The following RANBP10 variants were observed in gnomAD, a reference collection of about 807,000 sequenced individuals.
The protein encoded by RANBP10 is RAN binding protein 10, also known as ran-binding protein 10.
A neutral mutation model predicts 72.8 loss-of-function variants in RANBP10; 24 were observed. The observed-to-expected ratio is 0.33, with a 90% CI of 0.24 to 0.46. The LOEUF (loss-of-function observed/expected upper bound fraction) is 0.46, where lower values mean the gene tolerates loss of function less well. Among genes scored for constraint, RANBP10 ranks in the 20% least tolerant of loss-of-function variants. The pLI is 1.00. For missense variants in RANBP10, 679 were observed against 817.5 expected (o/e 0.83, Z 2.07); for synonymous variants, 310 against 322.3 (o/e 0.96, Z 0.41).
At chr16:67,790,299 G>A (rs1308806119) in intron 2 of RANBP10, among the ~76,000 whole-genome samples, 3 of 151,682 alleles carry the variant, frequency 2.0e-5, no homozygotes, top group Non-Finnish European at 4.4e-5. Flanking sequence ...CTAGGAGGAA[G>A]GAGAAATGGA....
rs931142926 is a variant in RANBP10 at position 67,730,410 on chromosome 16, G to A, written c.890-364C>T. Among the ~76,000 whole-genome samples, 26 of 152,128 alleles carry A rather than the reference G, an allele frequency of 1.7e-4. No homozygotes were observed. Among genetic ancestry groups the A allele is most frequent in the African/African-American group, 4.8e-4 (20 of 41,446 alleles). On this transcript the variant is annotated intron_variant, in intron 7 of 13. Coordinates refer to ENST00000317506, the MANE Select transcript of RANBP10 (RefSeq NM_020850.3). The surrounding 1 kb of genome is among the most constrained non-coding windows in gnomAD (Gnocchi z 4.3). ...GGGATGGGCACCCAGGCAGCTTGGCGGCCTGAGTGGCTCCTCTTCAGACAG... is the reference window on the plus strand; with the variant it reads ...GGGATGGGCACCCAGGCAGCTTGGCAGCCTGAGTGGCTCCTCTTCAGACAG...
At chr16:67,797,572 G>C (rs967158934) in intron 2 of RANBP10, among the ~76,000 whole-genome samples, 4 of 152,246 alleles carry the variant, frequency 2.6e-5, no homozygotes, top group African/African-American at 7.2e-5. Flanking sequence ...CACTTTGGGA[G>C]GCTGAGGTGG....
At chr16:67,764,753 A>C (rs1460833472) in intron 3 of RANBP10, among the ~76,000 whole-genome samples, 1 of 152,222 alleles carries the variant, frequency 6.6e-6, no homozygotes, top group Non-Finnish European at 1.5e-5. Flanking sequence ...TCGGAAGACT[A>C]AATTTTCAGT....
intron 3 of RANBP10, among the ~76,000 whole-genome samples, chr16:67,766,315 A>G (rs1409601074): frequency 1.3e-5 from 2 of 152,202 alleles, no homozygotes; most frequent in Non-Finnish European, 2.9e-5. Flanking sequence ...GGAAAGCACC[A>G]AAAGGGATTC....
chr16:67,772,065 C>G lies in RANBP10; in HGVS notation c.369G>C (p.Ser123=). ...GTCTGTTCATGTTGACGCCTTGAGC[C>G]GAGAGTCCTATTCCCATGTAACTTC... The part of the protein sequence containing the change: ...GRDGYMGIGL[S]AQGVNMNRLP... The change falls in exon 3 of 14, where the codon TCG becomes TCC. Residue 123 remains serine, a synonymous_variant. Transcript: ENST00000317506. The G allele has an allele frequency of 6.3e-7, 1 of 1,599,092 alleles. No individual in the cohort carries two copies. The highest frequency in any genetic ancestry group is 8.5e-7 in the Non-Finnish European group (1 of 1,175,714).
Position 67,727,418 on chromosome 16 carries a change from T to C in RANBP10, c.1641A>G (p.Ala547=), listed in dbSNP as rs770689124. The change falls in exon 13 of 14, where the codon GCA becomes GCG. Residue 547 remains alanine (A), a synonymous_variant. Transcript: ENST00000317506. Reference sequence around the variant, plus strand: ...CTGGGCAGCTCCAGGGGTCTGAGTATGCCAGCAGGCTGAAGGCATCCTACA... The same window carrying C: ...CTGGGCAGCTCCAGGGGTCTGAGTACGCCAGCAGGCTGAAGGCATCCTACA... The part of the protein sequence containing the change: ...EMLQDAFSLL[A]YSDPWSCPVG... 24 of 1,613,692 alleles carry C rather than the reference T, an allele frequency of 1.5e-5. No individual in the cohort carries two copies. The highest frequency in any genetic ancestry group is 1.9e-5 in the Non-Finnish European group (22 of 1,179,852).
chr16:67,802,560 C>A (rs538553848), intron 2 of RANBP10, among the ~76,000 whole-genome samples: 1 of 152,180 alleles, frequency 6.6e-6, no homozygotes, highest in Non-Finnish European at 1.5e-5. Flanking sequence ...ATCACTTGAA[C>A]CCAGAAAGTA....
intron 2 of RANBP10, among the ~76,000 whole-genome samples, chr16:67,773,703 G>T (rs1266627302): frequency 6.6e-6 from 1 of 152,288 alleles, no homozygotes; most frequent in Non-Finnish European, 1.5e-5. Flanking sequence ...TAGGGAAAAA[G>T]GTAGAGAAGG....
chr16:67,738,099 TGG>T, intron 4 of RANBP10, 64 bp from the exon 5 acceptor site: 1 of 1,490,644 alleles, frequency 6.7e-7, no homozygotes, highest in Non-Finnish European at 9.0e-7. Flanking sequence ...CTGCACCCCA[TGG>T]TGGAGCCAGT....
chr16:67,758,885 CT>C, intron 3 of RANBP10, among the ~76,000 whole-genome samples: 1 of 152,234 alleles, frequency 6.6e-6, no homozygotes, highest in Non-Finnish European at 1.5e-5. Flanking sequence ...GAAAAGGCTG[CT>C]GAGCAGCCCT....
intron 3 of RANBP10, among the ~76,000 whole-genome samples, chr16:67,769,668 C>T (rs1417677902): frequency 1.4e-4 from 20 of 143,330 alleles, no homozygotes; most frequent in Non-Finnish European, 2.7e-4. Context: ...ACGGCACCAA[C>T]CCAGGAGGCA....
intron 2 of RANBP10, among the ~76,000 whole-genome samples, chr16:67,782,325 C>G (rs1168635479): frequency 6.6e-6 from 1 of 151,974 alleles, no homozygotes; most frequent in Non-Finnish European, 1.5e-5. Context: ...TGGGGATTTG[C>G]CCTGTTGCCT....
intron 3 of RANBP10, among the ~76,000 whole-genome samples, chr16:67,744,699 C>G (rs572306223): frequency 3.9e-5 from 6 of 152,322 alleles, no homozygotes; most frequent in African/African-American, 1.4e-4. Flanking sequence ...GAACCAAAAC[C>G]ATCAGTGACC....
intron 4 of RANBP10, among the ~76,000 whole-genome samples, chr16:67,743,301 G>A (rs1480866935): frequency 6.6e-6 from 1 of 152,234 alleles, no homozygotes; most frequent in Non-Finnish European, 1.5e-5. Flanking sequence ...CAGCTGGGCT[G>A]GTAGAGTTCT....
intron 6 of RANBP10, among the ~76,000 whole-genome samples, 173 bp from the exon 7 acceptor site, chr16:67,731,757 G>C (rs1028597491): frequency 2.0e-5 from 3 of 152,174 alleles, no homozygotes; most frequent in Non-Finnish European, 4.4e-5. Context: ...CTTCCCCCAT[G>C]GTGCCCCACG....
chr16:67,771,906 C>A (rs2054613389), intron 3 of RANBP10, 128 bp downstream of exon 3: 2 of 1,074,264 alleles, frequency 1.9e-6, no homozygotes, highest in Admixed American at 4.9e-5. Flanking sequence ...GATCCTCCAA[C>A]CAGTAGCATG....
At chr16:67,776,562 C>T (rs2054709650) in intron 2 of RANBP10, among the ~76,000 whole-genome samples, 2 of 149,276 alleles carry the variant, frequency 1.3e-5, no homozygotes, top group Non-Finnish European at 3.0e-5. Context: ...CACCTGAGGT[C>T]AGGAGTTCAA....
Position 67,729,608 on chromosome 16 carries a change from AG to A in RANBP10, c.1147+71del. ...CAGCAGTGAGCCCTGAGCCCAGCCC[AG>A]GAAAGGGTATGTGGAGTGGCCTCTC... On this transcript the variant is annotated intron_variant, in intron 9 of 13. Coordinates refer to ENST00000317506, the MANE Select transcript of RANBP10 (RefSeq NM_020850.3). The surrounding 1 kb of genome is among the most constrained non-coding windows in gnomAD (Gnocchi z 7.1). The A allele has an allele frequency of 6.4e-7, 1 of 1,560,110 alleles. No homozygotes were observed. The highest frequency in any genetic ancestry group is 8.7e-7 in the Non-Finnish European group (1 of 1,153,742).
intron 2 of RANBP10, among the ~76,000 whole-genome samples, chr16:67,803,579 G>C (rs1358883325): frequency 6.6e-6 from 1 of 151,018 alleles, no homozygotes; most frequent in Non-Finnish European, 1.5e-5. Flanking sequence ...GAACCTGGGA[G>C]GCGGAGGTTG....
Sources: gnomAD v4.1 joint callset for allele counts (sites outside exome capture counted in the v4.1 genomes callset) on GRCh38, gnomAD v4.1.1 for gene constraint, Gnocchi (gnomAD v3.1) non-coding constraint, MANE v1.5 for transcripts, NCBI Gene and HGNC (gene_info 2026-07-23, HGNC 2026-07-21) for gene names.